COLEC11: variants seen among roughly 807,000 people sequenced by gnomAD.
The protein encoded by COLEC11 is collectin-11.
In COLEC11, 20 loss-of-function variants were observed where a neutral mutation model predicts 27.3. The observed-to-expected ratio is 0.73, with a 90% CI of 0.51 to 1.06. The LOEUF (loss-of-function observed/expected upper bound fraction) is 1.06. Ranked by LOEUF, COLEC11 falls within the 50% of genes least tolerant of loss-of-function variation. The pLI, the probability that COLEC11 is intolerant of heterozygous loss-of-function variation, is 0.00. For synonymous variants in COLEC11, 163 were observed against 154.7 expected, an observed-to-expected ratio of 1.05 and a Z score of -0.40; for missense variants, 310 against 383.0, an observed-to-expected ratio of 0.81 and a Z score of 1.59.
intron 5 of COLEC11, chr2:3,641,273 C>G: frequency 1.5e-6 from 2 of 1,304,186 alleles, no homozygotes; most frequent in Non-Finnish European, 2.0e-6. Context: ...GGAGGAACGG[C>G]TGCTTGGAAG....
intron 2 of COLEC11, 63 bp downstream of exon 2, chr2:3,604,533 A>G: frequency 6.4e-7 from 1 of 1,564,228 alleles, no homozygotes; most frequent in South Asian, 1.1e-5. Context: ...AGAGACTCCC[A>G]TGCAACTGCG....
intron 5 of COLEC11, among the ~76,000 whole-genome samples, chr2:3,643,132 C>T (rs6707237): frequency 0.064 from 9,803 of 152,268 alleles, 1,048 homozygotes; most frequent in African/African-American, 0.22. Flanking sequence ...TCACTGCACG[C>T]CCTCAGCCAG....
intron 3 of COLEC11, among the ~76,000 whole-genome samples, chr2:3,631,673 G>GGCTCGGAGGGGCCCCT: frequency 6.6e-6 from 1 of 152,278 alleles, no homozygotes; most frequent in African/African-American, 2.4e-5. Context: ...CAGGCGAGAG[G>GGCTCGGAGGGGCCCCT]GCTCGGAGGG....
At chr2:3,611,415 G>A (rs1029757155) in intron 2 of COLEC11, among the ~76,000 whole-genome samples, 7 of 152,196 alleles carry the variant, frequency 4.6e-5, no homozygotes, top group Admixed American at 6.5e-5. Flanking sequence ...TCCATTCACC[G>A]ATTGCACAGT....
chr2:3,641,275 G>T, intron 5 of COLEC11: 2 of 1,304,200 alleles, frequency 1.5e-6, no homozygotes, highest in Non-Finnish European at 2.0e-6. Flanking sequence ...AGGAACGGCT[G>T]CTTGGAAGGT....
intron 2 of COLEC11, 152 bp from the exon 3 acceptor site, chr2:3,613,159 G>T: frequency 1.3e-6 from 1 of 781,078 alleles, no homozygotes; most frequent in Non-Finnish European, 2.2e-6. Context: ...GTAGCGGCTG[G>T]GCTGCAGGCG....
intron 3 of COLEC11, among the ~76,000 whole-genome samples, chr2:3,619,539 T>A (rs1441649221): frequency 6.6e-6 from 1 of 152,254 alleles, no homozygotes; most frequent in East Asian, 1.9e-4. Context: ...ATGATGTTTA[T>A]TCTTCATTCT....
chr2:3,631,763 G>A (rs971373225), intron 3 of COLEC11, among the ~76,000 whole-genome samples: 1 of 152,144 alleles, frequency 6.6e-6, no homozygotes, highest in African/African-American at 2.4e-5. Flanking sequence ...CTGCTCGGAG[G>A]GCTCTGCCTG....
intron 1 of COLEC11, among the ~76,000 whole-genome samples, chr2:3,597,643 T>C (rs1035465698): frequency 2.0e-5 from 3 of 151,746 alleles, no homozygotes; most frequent in African/African-American, 4.8e-5. Flanking sequence ...AGAGGGGAAA[T>C]TCCCATGTCA....
At chr2:3,596,525 AG>A (rs540514161) in intron 1 of COLEC11, among the ~76,000 whole-genome samples, 1 of 151,760 alleles carries the variant, frequency 6.6e-6, no homozygotes, top group Non-Finnish European at 1.5e-5. Flanking sequence ...TTTAGTGGAG[AG>A]GGGGGTTTCA....
At chr2:3,639,945 G>A (rs564310470) in intron 4 of COLEC11, among the ~76,000 whole-genome samples, 4 of 152,156 alleles carry the variant, frequency 2.6e-5, no homozygotes, top group Non-Finnish European at 4.4e-5. Flanking sequence ...GTCGGGTGCT[G>A]CTGTTGGGAG....
At chr2:3,618,373 G>A (rs781353545) in intron 3 of COLEC11, among the ~76,000 whole-genome samples, 1 of 152,078 alleles carries the variant, frequency 6.6e-6, no homozygotes, top group African/African-American at 2.4e-5. Flanking sequence ...TTTATGTATG[G>A]TATAAGACAA....
rs1183115578 is a variant in COLEC11, at chr2:3,643,917, C to A, written c.615C>A (p.Ile205=). 3 of 1,614,118 alleles carry A rather than the reference C, an allele frequency of 1.9e-6. No individual in the cohort carries two copies. The highest frequency in any genetic ancestry group is 1.7e-5 in the Admixed American group (1 of 60,034). ...GCCTGGCCCGTGTCTTCATCGGCAT[C>A]AACGACCTGGAGAAGGAGGGCGCCT... ...QAGLARVFIG[I]NDLEKEGAFV... is the part of the protein sequence containing the mutation. Residue 205 remains isoleucine (I), a synonymous_variant, in exon 7 of 7, where the codon ATC becomes ATA. Transcript: ENST00000349077.
intron 1 of COLEC11, chr2:3,603,720 T>A (rs1220448662): frequency 3.3e-6 from 5 of 1,531,686 alleles, no homozygotes; most frequent in Non-Finnish European, 4.4e-6. Context: ...CCTCTTCCTA[T>A]GGGCTCGGCC....
chr2:3,631,611 C>T (rs13384187), intron 3 of COLEC11, among the ~76,000 whole-genome samples: 6,515 of 152,202 alleles, frequency 0.043, 443 homozygotes, highest in African/African-American at 0.15. Flanking sequence ...TTTGGGCCAC[C>T]TGTAGCCACC....
At chr2:3,625,127 G>A (rs1664441368) in intron 3 of COLEC11, among the ~76,000 whole-genome samples, 1 of 152,178 alleles carries the variant, frequency 6.6e-6, no homozygotes, top group Admixed American at 6.5e-5. Context: ...GCTGATCCAA[G>A]GCGGCAAGGA....
At chr2:3,629,232 A>T (rs1458159208) in intron 3 of COLEC11, among the ~76,000 whole-genome samples, 1 of 152,254 alleles carries the variant, frequency 6.6e-6, no homozygotes, top group Non-Finnish European at 1.5e-5. Context: ...GGTATGAAGT[A>T]GAGAATGTGT....
At chr2:3,617,517 T>C (rs1319264095) in intron 3 of COLEC11, 12 of 1,496,318 alleles carry the variant, frequency 8.0e-6, no homozygotes, top group Non-Finnish European at 1.0e-5. Flanking sequence ...GCTTGTGGAA[T>C]ATACAGTGCA....
At chr2:3,612,509 T>G (rs138100152) in intron 2 of COLEC11, among the ~76,000 whole-genome samples, 1 of 152,256 alleles carries the variant, frequency 6.6e-6, no homozygotes, top group Non-Finnish European at 1.5e-5. Flanking sequence ...GGGTCCGATG[T>G]AGAGACCACA....
Sources: gnomAD v4.1 joint callset for allele counts (sites outside exome capture counted in the v4.1 genomes callset) on GRCh38, gnomAD v4.1.1 for gene constraint, MANE v1.5 for transcripts, NCBI Gene and HGNC (gene_info 2026-07-23, HGNC 2026-07-21) for gene names.